The following UBE3A variants were observed in gnomAD, a reference collection of about 807,000 sequenced individuals.
UBE3A encodes ubiquitin-protein ligase E3A.
A neutral mutation model predicts 83.4 loss-of-function variants in UBE3A; 6 were observed. That is an observed-to-expected ratio of 0.07 (90% CI 0.04 to 0.14). The LOEUF (loss-of-function observed/expected upper bound fraction) is 0.14. Ranked by LOEUF, UBE3A falls within the 10% of genes least tolerant of loss-of-function variation. The pLI, the probability that UBE3A is intolerant of heterozygous loss-of-function variation, is 1.00. For synonymous variants in UBE3A, 337 were observed against 355.4 expected, an observed-to-expected ratio of 0.95 and a Z score of 0.58; for missense variants, 456 against 1,036.1, an observed-to-expected ratio of 0.44 and a Z score of 7.69.
intron 4 of UBE3A, among the ~76,000 whole-genome samples, chr15:25,386,573 T>G (rs1371703376): frequency 6.6e-6 from 1 of 152,126 alleles, no homozygotes; most frequent in Non-Finnish European, 1.5e-5. Context: ...ATGCCTTTGA[T>G]GGGCTTATTA....
intron 11 of UBE3A, among the ~76,000 whole-genome samples, chr15:25,352,623 T>G (rs2076671191): frequency 1.3e-5 from 2 of 152,220 alleles, no homozygotes; most frequent in African/African-American, 4.8e-5. Flanking sequence ...CCAAAAAAAC[T>G]CAGTATCTGC....
chr15:25,398,698 T>C (rs1440802471), intron 4 of UBE3A, among the ~76,000 whole-genome samples: 1 of 148,566 alleles, frequency 6.7e-6, no homozygotes, highest in Non-Finnish European at 1.5e-5. Flanking sequence ...TGCTGTATCA[T>C]GGGTATTGCA....
At chr15:25,356,205 T>C in intron 8 of UBE3A, 149 bp from the exon 9 acceptor site, 1 of 948,016 alleles carries the variant, frequency 1.1e-6, no homozygotes, top group Non-Finnish European at 1.6e-6. Context: ...CCCAAATAGT[T>C]TCCAACCTAT....
intron 11 of UBE3A, among the ~76,000 whole-genome samples, chr15:25,341,273 T>C (rs2074728992): frequency 6.6e-6 from 1 of 151,718 alleles, no homozygotes; most frequent in South Asian, 2.1e-4. Context: ...GATTTCACCA[T>C]GTTAGCCAGG....
chr15:25,414,556 C>G lies in UBE3A; in HGVS notation c.-164-2585G>C, dbSNP rs1458459068. Among the ~76,000 whole-genome samples the G allele has an allele frequency of 2.0e-5, 3 of 152,270 alleles. No individual in the cohort carries two copies. The Middle Eastern group carries it at 0.01, about 518-fold the overall frequency. ...TAGTCTGAAGAAAAGGAAAACCATTCTTTATGAGGGACAAGCAAGATTTAC... is the reference window on the plus strand; with the variant it reads ...TAGTCTGAAGAAAAGGAAAACCATTGTTTATGAGGGACAAGCAAGATTTAC... On this transcript the variant is annotated intron_variant, in intron 1 of 12. Coordinates refer to ENST00000648336, the MANE Select transcript of UBE3A (RefSeq NM_130839.5).
In UBE3A at chr15:25,355,939, G is replaced by A; in HGVS notation, c.2077C>T (p.Leu693=). Residue 693 remains leucine (L), a synonymous_variant, in exon 9 of 13, where the codon CTA becomes TTA. Transcript: ENST00000648336. ...DLFGNPMMYD[L]KENGDKIPIT... is the part of the protein sequence containing the mutation. ...GGAATTTTATCACCATTTTCCTTTA[G>A]ATCATACATCATTGGGTTACCAAAA... is the stretch of plus-strand genomic sequence containing the variant. 1 of 1,613,520 alleles carries A rather than the reference G, an allele frequency of 6.2e-7. No individual in the cohort carries two copies. Among genetic ancestry groups the A allele is most frequent in the Non-Finnish European group, 8.5e-7 (1 of 1,179,738 alleles).
chr15:25,358,928 T>A (rs1199590307), intron 7 of UBE3A, among the ~76,000 whole-genome samples: 1 of 152,176 alleles, frequency 6.6e-6, no homozygotes, highest in Non-Finnish European at 1.5e-5. Flanking sequence ...ATTAATAAAT[T>A]TGTTCAAGCT....
chr15:25,408,544 G>C, intron 3 of UBE3A: 1 of 1,564,068 alleles, frequency 6.4e-7, no homozygotes, highest in Non-Finnish European at 8.8e-7. Context: ...GATTTGAATC[G>C]CAGAAAATAT....
chr15:25,398,782 T>TATATATATAC (rs2086255182), intron 4 of UBE3A, among the ~76,000 whole-genome samples: 1 of 28,066 alleles, frequency 3.6e-5, no homozygotes, highest in African/African-American at 1.4e-4. Context: ...TATATATATA[T>TATATATATAC]ATATATATAT....
chr15:25,416,542 AGCT>A (rs564118242), intron 1 of UBE3A, among the ~76,000 whole-genome samples: 98 of 151,948 alleles, frequency 6.4e-4, no homozygotes, highest in African/African-American at 2.3e-3. Context: ...GCTACGCAGG[AGCT>A]GCTGCTGTTT....
At chr15:25,386,295 C>G (rs1595975148) in intron 4 of UBE3A, among the ~76,000 whole-genome samples, 1 of 152,214 alleles carries the variant, frequency 6.6e-6, no homozygotes, top group South Asian at 2.1e-4. Context: ...GTTCCTTTTA[C>G]CTAGTACATC....
At chr15:25,369,624 TGAA>T (rs2079967914) in intron 6 of UBE3A, among the ~76,000 whole-genome samples, 1 of 152,136 alleles carries the variant, frequency 6.6e-6, no homozygotes, top group African/African-American at 2.4e-5. Flanking sequence ...AAATTTTACT[TGAA>T]GATGATAAAA....
chr15:25,433,637 T>C (rs1894155054), intron 1 of UBE3A, among the ~76,000 whole-genome samples: 1 of 152,154 alleles, frequency 6.6e-6, no homozygotes, highest in African/African-American at 2.4e-5. Flanking sequence ...CGAAGCTAGT[T>C]AAAACAACCT....
chr15:25,420,784 AC>A (rs1209572167), intron 1 of UBE3A: 1 of 152,186 alleles, frequency 6.6e-6, no homozygotes, highest in Admixed American at 6.5e-5. Context: ...TTACCACATG[AC>A]CCAGCAATTC....
intron 11 of UBE3A, among the ~76,000 whole-genome samples, chr15:25,343,850 G>GA (rs761684756): frequency 5.5e-4 from 83 of 152,140 alleles, no homozygotes; most frequent in Non-Finnish European, 1.1e-3. Flanking sequence ...AGCTCTACAA[G>GA]AAAAAATGTC....
intron 3 of UBE3A, among the ~76,000 whole-genome samples, chr15:25,406,472 CCTAT>C (rs1472032798): frequency 6.6e-6 from 1 of 151,836 alleles, no homozygotes; most frequent in African/African-American, 2.4e-5. Context: ...TCAGTATTTC[CCTAT>C]CTATTCACTT....
rs1214498153 is a variant in UBE3A, at chr15:25,335,604, TTGA to T, written c.*3530_*3532del. On this transcript the variant is annotated 3_prime_UTR_variant, in exon 13 of 13. Coordinates refer to ENST00000648336, the MANE Select transcript of UBE3A (RefSeq NM_130839.5). ...TGTGACAATTGAGGAATGAGAGATTTTGATGATTGGGGTGAAGGTTACATTTCT... is the reference window on the plus strand; with the variant it reads ...TGTGACAATTGAGGAATGAGAGATTTTGATTGGGGTGAAGGTTACATTTCT... 3 of 151,936 alleles carry T rather than the reference TTGA, an allele frequency of 2.0e-5. No homozygotes were observed. The highest frequency in any genetic ancestry group is 4.4e-5 in the Non-Finnish European group (3 of 67,998). The allele number at this position is 151,936 out of a possible 1,614,324, so 9.4% of individuals were successfully genotyped here.
At chr15:25,358,823 AT>A (rs1023987726) in intron 7 of UBE3A, among the ~76,000 whole-genome samples, 1 of 151,952 alleles carries the variant, frequency 6.6e-6, no homozygotes. Context: ...CTATCTAAAC[AT>A]TTTTTTTACA....
chr15:25,364,066 A>ATAAATAAATAAG (rs2078604800), intron 6 of UBE3A, among the ~76,000 whole-genome samples: 4 of 151,004 alleles, frequency 2.6e-5, no homozygotes, highest in Admixed American at 6.6e-5. Context: ...AAATAAATAA[A>ATAAATAAATAAG]TAAATAAAAA....
Sources: gnomAD v4.1 joint callset for allele counts (sites outside exome capture counted in the v4.1 genomes callset) on GRCh38, gnomAD v4.1.1 for gene constraint, MANE v1.5 for transcripts, NCBI Gene and HGNC (gene_info 2026-07-23, HGNC 2026-07-21) for gene names.